SAMD9: variants seen among roughly 807,000 people sequenced by gnomAD.
The protein encoded by SAMD9 is sterile alpha motif domain containing 9, also known as sterile alpha motif domain-containing protein 9.
In SAMD9, 3 loss-of-function variants were observed where a neutral mutation model predicts 1.5. The observed-to-expected ratio is 2.05, with a 90% CI of 0.93 to 5.29. The LOEUF (loss-of-function observed/expected upper bound fraction) is 5.29, where lower values mean the gene tolerates loss of function less well. Among genes scored for constraint, SAMD9 ranks in the 30% most tolerant of loss-of-function variants. The pLI, the probability that SAMD9 is intolerant of heterozygous loss-of-function variation, is 0.02. For synonymous variants in SAMD9, 635 were observed against 631.9 expected, an observed-to-expected ratio of 1.00 and a Z score of -0.07; for missense variants, 1,597 against 1,820.8, an observed-to-expected ratio of 0.88 and a Z score of 2.24.
chr7:93,102,131 A>G lies in SAMD9; in HGVS notation c.3967T>C (p.Phe1323Leu), dbSNP rs746463339. ...CTCTCTACTTGAAGTGGCTCACTGA[A>G]CTTTGATCCAAGACCTGTGTTGTTT... is the stretch of plus-strand genomic sequence containing the variant. ...SQNNTGLGSK[F>L]SEPLQVERCR... Residue 1323 changes from phenylalanine (F) to leucine (L), a missense_variant, in exon 3 of 3, where the codon TTC (phenylalanine) becomes CTC (leucine). Physicochemically the swap from Phe to Leu is conservative, Grantham distance 22. Around this residue, in one of 6 missense-constraint regions of SAMD9, gnomAD observed 682 missense variants for 810.0 expected, o/e 0.84. Transcript: ENST00000379958. 1.9e-6 allele frequency: 3 copies of G among 1,613,302 alleles called. No individual in the cohort carries two copies. Among genetic ancestry groups the G allele is most frequent in the Non-Finnish European group, 2.5e-6 (3 of 1,179,732 alleles).
In SAMD9 at chr7:93,105,004, T is replaced by A. The variant is rs1337628777; in HGVS notation, c.1094A>T (p.Asp365Val). The change falls in exon 3 of 3, where the codon GAT becomes GTT. Residue 365 changes from aspartate to valine, a missense_variant. Asp to Val is a radical substitution (Grantham distance 152). Around this residue, in one of 6 missense-constraint regions of SAMD9, gnomAD observed 498 missense variants for 457.4 expected, o/e 1.09. Transcript: ENST00000379958. Reference protein sequence around the residue: ...NKVDFRAFKADFKTLAESRKA... With the variant: ...NKVDFRAFKAVFKTLAESRKA... ...TCTGGACTCTGCCAGTGTTTTAAAA[T>A]CTGCTTTAAATGCTCTGAAATCAAC... 3.1e-6 allele frequency: 5 copies of A among 1,613,692 alleles called. No homozygotes were observed. In the African/African-American group the frequency reaches 6.7e-5, roughly 22 times the overall value.
At chr7:93,108,480 T>G (rs879348716) in intron 2 of SAMD9, among the ~76,000 whole-genome samples, 9 of 151,998 alleles carry the variant, frequency 5.9e-5, no homozygotes, top group Non-Finnish European at 1.3e-4. Flanking sequence ...GTCCAAGTAG[T>G]GTGAGCCAAA....
At chr7:93,108,050 G>C (rs953174101) in intron 2 of SAMD9, among the ~76,000 whole-genome samples, 1 of 152,190 alleles carries the variant, frequency 6.6e-6, no homozygotes, top group Non-Finnish European at 1.5e-5. Flanking sequence ...TGCATATAAA[G>C]AGTTGTAAGG....
chr7:93,113,555 C>T (rs1791782466), intron 2 of SAMD9, among the ~76,000 whole-genome samples: 1 of 152,192 alleles, frequency 6.6e-6, no homozygotes, highest in Non-Finnish European at 1.5e-5. Flanking sequence ...ATCTACCCAT[C>T]TGACAAAGGG....
chr7:93,106,116 A>G lies in SAMD9; in HGVS notation c.-8-11T>C. 1 of 1,528,140 alleles carries G rather than the reference A, an allele frequency of 6.5e-7. No individual in the cohort carries two copies. Among genetic ancestry groups the G allele is most frequent in the Non-Finnish European group, 8.8e-7 (1 of 1,136,072 alleles). The allele number at this position is 1,528,140 out of a possible 1,614,324, so 94.7% of individuals were successfully genotyped here. A position where few individuals can be genotyped will look rare whatever the true frequency, so the allele number is the denominator to read the frequency against. ...TTGCCATTCTGATACCTATATGTAG[A>G]AAAAGAAAAATTATTTAGTATTATT... On this transcript the variant is annotated splice_polypyrimidine_tract_variant and intron_variant, in intron 2 of 2. Transcript: ENST00000379958.
chr7:93,115,347 T>C (rs1791816276), intron 1 of SAMD9, among the ~76,000 whole-genome samples: 1 of 152,228 alleles, frequency 6.6e-6, no homozygotes, highest in Admixed American at 6.5e-5. Flanking sequence ...ATATACCTAC[T>C]CTTTGGATCT....
At position 93,103,059 on chromosome 7, in the gene SAMD9, A is replaced by G. The variant is rs758515123; in HGVS notation, c.3039T>C (p.Thr1013=). The G allele has an allele frequency of 6.2e-7, 1 of 1,613,844 alleles. No homozygotes were observed. The highest frequency in any genetic ancestry group is 8.5e-7 in the Non-Finnish European group (1 of 1,179,740). Residue 1013 remains threonine, a synonymous_variant, in exon 3 of 3, where the codon ACT becomes ACC. Coordinates refer to ENST00000379958, the MANE Select transcript of SAMD9 (RefSeq NM_017654.4). ...NKSQIMLDML[T]ENLFFDTGMG... ...TACCAGTATCGAAGAACAAATTCTC[A>G]GTTAGCATATCCAACATAATTTGAC...
rs762768064 is a variant in SAMD9, at chr7:93,102,320, A to G, written c.3778T>C (p.Leu1260=). 4.3e-6 allele frequency: 7 copies of G among 1,609,856 alleles called. No individual in the cohort carries two copies. In the East Asian group the frequency reaches 6.7e-5, roughly 15 times the overall value. Residue 1260 remains leucine, a synonymous_variant, in exon 3 of 3, where the codon TTG becomes CTG. Coordinates refer to ENST00000379958, the MANE Select transcript of SAMD9 (RefSeq NM_017654.4). ...LKNYIPYLTK[L]KFSLKKSFDF... Reference sequence around the variant, plus strand: ...AAGGACTTTTTCAAAGAAAATTTCAATTTAGTTAAATAAGGAATATAGTTT... The same window carrying G: ...AAGGACTTTTTCAAAGAAAATTTCAGTTTAGTTAAATAAGGAATATAGTTT...
Position 93,102,337 on chromosome 7 carries a change from A to G in SAMD9, c.3761T>C (p.Ile1254Thr). 1 of 1,608,712 alleles carries G rather than the reference A, an allele frequency of 6.2e-7. No individual in the cohort carries two copies. The highest frequency in any genetic ancestry group is 1.1e-5 in the South Asian group (1 of 90,744). ...NEYKLALKNYIPYLTKLKFSL... is the reference protein window; with the variant it reads ...NEYKLALKNYTPYLTKLKFSL... ...AAATTTCAATTTAGTTAAATAAGGA[A>G]TATAGTTTTTGAGGGCTAATTTATA... The change falls in exon 3 of 3, where the codon ATT becomes ACT. Residue 1254 changes from isoleucine (I) to threonine (T), a missense_variant. By Grantham distance (89) the Ile-to-Thr change is moderately conservative (BLOSUM62 -1). Around this residue, in one of 6 missense-constraint regions of SAMD9, gnomAD observed 682 missense variants for 810.0 expected, o/e 0.84. Transcript: ENST00000379958.
intron 2 of SAMD9, among the ~76,000 whole-genome samples, chr7:93,113,273 C>T (rs556933859): frequency 5.9e-4 from 90 of 152,286 alleles, no homozygotes; most frequent in Admixed American, 1.3e-3. Flanking sequence ...GAAACTGGAT[C>T]CCTTCCTTAC....
chr7:93,108,463 G>A (rs888950282), intron 2 of SAMD9, among the ~76,000 whole-genome samples: 1 of 152,194 alleles, frequency 6.6e-6, no homozygotes, highest in African/African-American at 2.4e-5. Flanking sequence ...GTTGGACAGT[G>A]GGTGCAGTCC....
chr7:93,114,367 G>A (rs1791799377), intron 2 of SAMD9, among the ~76,000 whole-genome samples: 1 of 151,934 alleles, frequency 6.6e-6, no homozygotes, highest in African/African-American at 2.4e-5. Context: ...GTTAATGGGT[G>A]CAGCACACCA....
Position 93,104,748 on chromosome 7 carries a change from T to A in SAMD9, c.1350A>T (p.Gly450=). 1 of 1,613,902 alleles carries A rather than the reference T, an allele frequency of 6.2e-7. No individual in the cohort carries two copies. The highest frequency in any genetic ancestry group is 1.3e-5 in the African/African-American group (1 of 75,054). Residue 450 remains glycine (G), a synonymous_variant, in exon 3 of 3, where the codon GGA becomes GGT. Transcript: ENST00000379958. ...GGCTTTCTTTGTAAGCTTTGACCAC[T>A]CCATTGATGTTAGACTCAGGATCAA... ...LEFDPESNIN[G]VVKAYKESRV... is the part of the protein sequence containing the mutation.
chr7:93,106,909 G>A (rs1424553623), intron 2 of SAMD9, among the ~76,000 whole-genome samples: 1 of 152,208 alleles, frequency 6.6e-6, no homozygotes, highest in Non-Finnish European at 1.5e-5. Context: ...AATCAGTGGA[G>A]AATGCTGAAA....
rs754414260 is a variant in SAMD9 at position 93,102,733 on chromosome 7, G to C, written c.3365C>G (p.Thr1122Arg). Residue 1122 changes from threonine to arginine, a missense_variant, in exon 3 of 3, where the codon ACA becomes AGA. Around this residue, in one of 6 missense-constraint regions of SAMD9, gnomAD observed 682 missense variants for 810.0 expected, o/e 0.84. Transcript: ENST00000379958. ...TTTACTTTTGTAGACTTGACCCAGT[G>C]TATCTGAGATATAAGAATTGTCAGG... Reference protein sequence around the residue: ...IEPDNSYISDTLGQVYKSKIR... With the variant: ...IEPDNSYISDRLGQVYKSKIR... The C allele has an allele frequency of 6.2e-7, 1 of 1,613,704 alleles. No homozygotes were observed. The highest frequency in any genetic ancestry group is 8.5e-7 in the Non-Finnish European group (1 of 1,179,752).
At chr7:93,112,107 A>G (rs752888705) in intron 2 of SAMD9, among the ~76,000 whole-genome samples, 15 of 152,258 alleles carry the variant, frequency 9.9e-5, no homozygotes, top group African/African-American at 1.4e-4. Flanking sequence ...CTTATCCTCC[A>G]TGATCAAGTG....
Position 93,102,849 on chromosome 7 carries a change from G to T in SAMD9, c.3249C>A (p.Phe1083Leu), listed in dbSNP as rs761066297. ...AATGTCTTGCCAACGCTTGGCAAATGAATGCATTTGGGTTGAACCGATGGA... is the reference window on the plus strand; with the variant it reads ...AATGTCTTGCCAACGCTTGGCAAATTAATGCATTTGGGTTGAACCGATGGA... ...ESIHRFNPNA[F>L]ICQALARHFY... The change falls in exon 3 of 3, where the codon TTC becomes TTA. Residue 1083 changes from phenylalanine (F) to leucine (L), a missense_variant. Phe to Leu is a conservative substitution (Grantham distance 22, BLOSUM62 0). Coordinates refer to ENST00000379958, the MANE Select transcript of SAMD9 (RefSeq NM_017654.4). 6.2e-7 allele frequency: 1 copy of T among 1,613,724 alleles called. No individual in the cohort carries two copies. The highest frequency in any genetic ancestry group is 8.5e-7 in the Non-Finnish European group (1 of 1,179,812).
chr7:93,107,654 G>A (rs1004437077), intron 2 of SAMD9, among the ~76,000 whole-genome samples: 2 of 152,162 alleles, frequency 1.3e-5, no homozygotes, highest in Non-Finnish European at 2.9e-5. Flanking sequence ...ATAATACACA[G>A]AAATATTGTT....
chr7:93,103,683 A>G lies in SAMD9; in HGVS notation c.2415T>C (p.Asp805=). 1.2e-6 allele frequency: 2 copies of G among 1,613,858 alleles called. No individual in the cohort carries two copies. The highest frequency in any genetic ancestry group is 1.7e-6 in the Non-Finnish European group (2 of 1,179,766). Reference sequence around the variant, plus strand: ...TAGAGTACTGCAGAAGATAGACATTATCTTGTTCTTCAAAATCATCAACAA... The same window carrying G: ...TAGAGTACTGCAGAAGATAGACATTGTCTTGTTCTTCAAAATCATCAACAA... ...LLLVDDFEEQ[D]NVYLLQYSIQ... Residue 805 remains aspartate (D), a synonymous_variant, in exon 3 of 3, where the codon GAT becomes GAC. Coordinates refer to ENST00000379958, the MANE Select transcript of SAMD9 (RefSeq NM_017654.4).
Sources: allele counts gnomAD v4.1 joint callset (sites outside exome capture counted in the v4.1 genomes callset), GRCh38; gene constraint gnomAD v4.1.1; regional missense constraint gnomAD v4.1.1; transcripts MANE v1.5; gene names NCBI Gene and HGNC (gene_info 2026-07-23, HGNC 2026-07-21).